The following BDNF variants were observed in gnomAD, a reference collection of about 807,000 sequenced individuals.
BDNF encodes neurotrophic factor BDNF precursor form.
Under a neutral mutation model 19.5 loss-of-function variants are expected in BDNF, and 1 was observed. The observed-to-expected ratio is 0.05, with a 90% CI of 0.02 to 0.24. BDNF has a LOEUF of 0.24. Ranked by LOEUF, BDNF falls within the 10% of genes least tolerant of loss-of-function variation. The pLI, the probability that BDNF is intolerant of heterozygous loss-of-function variation, is 1.00. For synonymous variants in BDNF, 100 were observed against 121.6 expected (o/e 0.82, Z 1.17); for missense variants, 195 against 317.6 (o/e 0.61, Z 2.93).
chr11:27,689,678 T>C (rs181691135), intron 1 of BDNF, among the ~76,000 whole-genome samples: 1 of 152,204 alleles, frequency 6.6e-6, no homozygotes, highest in African/African-American at 2.4e-5. Flanking sequence ...GAACAATAGA[T>C]GCTACTAAGT....
At chr11:27,699,254 GT>G in intron 1 of BDNF, 1 of 1,272,056 alleles carries the variant, frequency 7.9e-7, no homozygotes, top group Admixed American at 1.7e-5. Context: ...GCATCCTCCA[GT>G]TCACCCTCGC....
At chr11:27,691,291 T>C (rs1858242574) in intron 1 of BDNF, among the ~76,000 whole-genome samples, 1 of 152,110 alleles carries the variant, frequency 6.6e-6, no homozygotes, top group Non-Finnish European at 1.5e-5. Context: ...GAAAGCCTTA[T>C]ATGAGAGAGT....
intron 1 of BDNF, among the ~76,000 whole-genome samples, chr11:27,717,618 A>G (rs1860565024): frequency 6.6e-6 from 1 of 152,212 alleles, no homozygotes; most frequent in Non-Finnish European, 1.5e-5. Context: ...AAAGTAGGCT[A>G]GGTTACTGTT....
At chr11:27,699,311 C>T in intron 1 of BDNF, 9 of 1,594,284 alleles carry the variant, frequency 5.6e-6, no homozygotes, top group Admixed American at 1.7e-5. Context: ...CTGTAATCTC[C>T]CCTTCTTCTT....
intron 1 of BDNF, among the ~76,000 whole-genome samples, chr11:27,691,893 GA>G (rs1384401464): frequency 6.6e-6 from 1 of 152,092 alleles, no homozygotes; most frequent in Non-Finnish European, 1.5e-5. Context: ...AAGTGAAGGT[GA>G]ACGGTGAGAA....
chr11:27,657,254 AAAAC>A lies in BDNF; in HGVS notation c.*563_*566del. The A allele has an allele frequency of 1.0e-6, 1 of 987,522 alleles. No individual in the cohort carries two copies. Among genetic ancestry groups the A allele is most frequent in the Non-Finnish European group, 1.2e-6 (1 of 830,998 alleles). 61.2% of individuals were successfully genotyped at this position (987,522 alleles called of 1,614,324 possible). A position where few individuals can be genotyped will look rare whatever the true frequency, so the allele number is the denominator to read the frequency against. ...AAAAACAAAACAAACAAACGAAAAA[AAAAC>A]ACAAAACAAACAAAAATATACCCCC... On this transcript the variant is annotated 3_prime_UTR_variant, in exon 2 of 2. Transcript: ENST00000356660. The surrounding 1 kb of genome is among the most constrained non-coding windows in gnomAD (Gnocchi z 5.0).
chr11:27,660,276 AAC>A, intron 1 of BDNF: 1 of 1,240,566 alleles, frequency 8.1e-7, no homozygotes, highest in South Asian at 1.3e-5. Flanking sequence ...ACCATCCCTA[AAC>A]ACACAAAAAA....
chr11:27,685,111 T>C (rs1857314254), intron 1 of BDNF, among the ~76,000 whole-genome samples: 1 of 152,216 alleles, frequency 6.6e-6, no homozygotes, highest in African/African-American at 2.4e-5. Flanking sequence ...TTTGACTTCT[T>C]CCTTTAGTCT....
intron 1 of BDNF, chr11:27,674,813 T>A (rs767058559): frequency 1.1e-6 from 1 of 946,622 alleles, no homozygotes; most frequent in Non-Finnish European, 1.3e-6. Context: ...CATTTTTACA[T>A]AGTTGCTATA....
intron 1 of BDNF, among the ~76,000 whole-genome samples, chr11:27,709,391 A>G (rs1450626451): frequency 4.6e-5 from 7 of 151,962 alleles, no homozygotes; most frequent in Non-Finnish European, 7.3e-5. Flanking sequence ...AGTATAAAGT[A>G]TAATTAGTTT....
At chr11:27,675,368 G>A (rs1470373803) in intron 1 of BDNF, 1 of 152,194 alleles carries the variant, frequency 6.6e-6, no homozygotes, top group Non-Finnish European at 1.5e-5. Flanking sequence ...AACTATGCAT[G>A]AAGGTCATTT....
At chr11:27,667,604 C>A (rs1200838487) in intron 1 of BDNF, among the ~76,000 whole-genome samples, 1 of 152,078 alleles carries the variant, frequency 6.6e-6, no homozygotes, top group Non-Finnish European at 1.5e-5. Flanking sequence ...CAAAAAAAAG[C>A]AGGAGTTGCA....
rs759502897 is a variant in BDNF at position 27,674,273 on chromosome 11, G to A, written c.-21-15688C>T. ...TTGTGCACTCATGGAGAAAACTGGT[G>A]GCTCCACACATCCAGTTGTCCTTCG... On this transcript the variant is annotated intron_variant, in intron 1 of 1. Transcript: ENST00000356660. 3.4e-5 allele frequency: 54 copies of A among 1,566,406 alleles called. No individual in the cohort carries two copies. The highest frequency in any genetic ancestry group is 4.7e-5 in the Non-Finnish European group (54 of 1,154,534).
chr11:27,657,130 G>C lies in BDNF; in HGVS notation c.*691C>G. 1.0e-6 allele frequency: 1 copy of C among 983,368 alleles called. No individual in the cohort carries two copies. Among genetic ancestry groups the C allele is most frequent in the Non-Finnish European group, 1.2e-6 (1 of 827,982 alleles). The allele number at this position is 983,368 out of a possible 1,614,324, so 60.9% of individuals were successfully genotyped here. ...TTATTCACTTTCTAGTCATCTGATC[G>C]ATATTGCAAACATCTTCACAACATA... On this transcript the variant is annotated 3_prime_UTR_variant, in exon 2 of 2. Transcript: ENST00000356660. The surrounding 1 kb of genome is among the most constrained non-coding windows in gnomAD (Gnocchi z 5.0).
rs1854171753 is a variant in BDNF, at chr11:27,665,605, A to T, written c.-21-7020T>A. Among the ~76,000 whole-genome samples, 4 of 152,310 alleles carry T rather than the reference A, an allele frequency of 2.6e-5. 1 individual carries two copies. The highest frequency in any genetic ancestry group is 3.4e-3 in the Middle Eastern group (1 of 294). On this transcript the variant is annotated intron_variant, in intron 1 of 1. Coordinates refer to ENST00000356660, the MANE Select transcript of BDNF (RefSeq NM_001709.5). ...TTTTCCAATGGTCTTAGCAAACGGC[A>T]CACCAGGAGATTATGTCCCAGGCCT... is the stretch of plus-strand genomic sequence containing the variant.
chr11:27,674,269 T>C, intron 1 of BDNF: 1 of 1,568,842 alleles, frequency 6.4e-7, no homozygotes, highest in Non-Finnish European at 8.7e-7. Flanking sequence ...TGGAGAAAAC[T>C]GGTGGCTCCA....
chr11:27,698,755 A>G (rs1859498783), intron 1 of BDNF, among the ~76,000 whole-genome samples: 1 of 152,162 alleles, frequency 6.6e-6, no homozygotes, highest in African/African-American at 2.4e-5. Flanking sequence ...AACACTCAGA[A>G]ATATGCCTTT....
chr11:27,713,925 C>T (rs1285727317), intron 1 of BDNF, among the ~76,000 whole-genome samples: 3 of 152,218 alleles, frequency 2.0e-5, no homozygotes, highest in Non-Finnish European at 4.4e-5. Context: ...TTTTTAGACA[C>T]TAGACTTTAA....
chr11:27,720,547 T>G, intron 1 of BDNF: 3 of 982,954 alleles, frequency 3.1e-6, no homozygotes, highest in Non-Finnish European at 3.6e-6. Context: ...AATCTGACTC[T>G]CTCTCCAGCC....
Sources: gnomAD v4.1 joint callset for allele counts (sites outside exome capture counted in the v4.1 genomes callset) on GRCh38, gnomAD v4.1.1 for gene constraint, Gnocchi (gnomAD v3.1) non-coding constraint, MANE v1.5 for transcripts, NCBI Gene and HGNC (gene_info 2026-07-23, HGNC 2026-07-21) for gene names.